Variants in U2AF2 observed in about 807,000 individuals in gnomAD.
The protein encoded by U2AF2 is splicing factor U2AF 65 kDa subunit.
In U2AF2, 6 loss-of-function variants were observed where a neutral mutation model predicts 52.6. The ratio of observed to expected loss-of-function variants is 0.11; its 90% confidence interval spans 0.06 to 0.23. The LOEUF (loss-of-function observed/expected upper bound fraction) is 0.23, where lower values mean the gene tolerates loss of function less well. Ranked by LOEUF, U2AF2 falls within the 10% of genes least tolerant of loss-of-function variation. The pLI is 1.00. For missense variants in U2AF2, 222 were observed against 677.1 expected (o/e 0.33, Z 7.46); for synonymous variants, 284 against 258.2 (o/e 1.10, Z -0.96).
chr19:55,667,472 A>G (rs757806114), intron 7 of U2AF2, among the ~76,000 whole-genome samples: 1 of 152,162 alleles, frequency 6.6e-6, no homozygotes, highest in Non-Finnish European at 1.5e-5. Context: ...GTGGGGTCTC[A>G]GGTTGAATCA....
Position 55,669,699 on chromosome 19 carries a change from A to C in U2AF2, c.1293+7A>C. The C allele has an allele frequency of 6.3e-7, 1 of 1,594,316 alleles. No homozygotes were observed. Among genetic ancestry groups the C allele is most frequent in the Non-Finnish European group, 8.6e-7 (1 of 1,168,830 alleles). ...GGTGCCCGGCTGCGGAAAGGTCAGG[A>C]GGCCTCGGGCTCAGTGCTCTCTCAC... On this transcript the variant is annotated splice_region_variant and intron_variant, in intron 11 of 11. Transcript: ENST00000308924.
chr19:55,659,609 G>C lies in U2AF2; in HGVS notation c.185+264G>C, dbSNP rs138488205. 3.1e-4 allele frequency among the ~76,000 whole-genome samples: 47 copies of C among 152,130 alleles called. No individual in the cohort carries two copies. In the East Asian group the frequency reaches 7.2e-3, roughly 23 times the overall value. On this transcript the variant is annotated intron_variant, in intron 2 of 11. Coordinates refer to ENST00000308924, the MANE Select transcript of U2AF2 (RefSeq NM_007279.3). ...GCAATAGGCTCTTTATCTGGAGCCT[G>C]GGAATTGATTCTGTGTTTTCCTTCA...
chr19:55,663,492 A>G (rs1984350182), intron 6 of U2AF2, 114 bp from the exon 7 acceptor site: 2 of 1,475,198 alleles, frequency 1.4e-6, no homozygotes, highest in Admixed American at 2.1e-5. Flanking sequence ...GGGGCCTGGC[A>G]TGTTGTATTT....
intron 10 of U2AF2, 95 bp from the exon 11 acceptor site, chr19:55,669,349 T>A: frequency 6.5e-7 from 1 of 1,542,762 alleles, no homozygotes; most frequent in Non-Finnish European, 8.7e-7. Flanking sequence ...AGAGATGGCC[T>A]TTCCCCTGGG....
At chr19:55,663,541 G>A (rs927976208) in intron 6 of U2AF2, 65 bp from the exon 7 acceptor site, 1 of 1,553,304 alleles carries the variant, frequency 6.4e-7, no homozygotes, top group African/African-American at 1.4e-5. Context: ...TCCCAATCCT[G>A]GAACACTAGG....
chr19:55,662,992 A>T (rs1169111644), intron 6 of U2AF2, among the ~76,000 whole-genome samples: 2 of 151,836 alleles, frequency 1.3e-5, no homozygotes, highest in Non-Finnish European at 1.5e-5. Context: ...GTCTTCTGTT[A>T]CCCCAGCTAA....
At chr19:55,665,093 A>G (rs1430227270) in intron 7 of U2AF2, among the ~76,000 whole-genome samples, 8 of 152,212 alleles carry the variant, frequency 5.3e-5, no homozygotes, top group African/African-American at 7.2e-5. Context: ...ACATGCTCCC[A>G]ATCGACATGG....
At chr19:55,672,028 C>CT (rs1298712679) in intron 11 of U2AF2, 1 of 151,748 alleles carries the variant, frequency 6.6e-6, no homozygotes, top group African/African-American at 2.4e-5. Flanking sequence ...ACTCAGGAGT[C>CT]TGAGGCAGGA....
intron 7 of U2AF2, among the ~76,000 whole-genome samples, chr19:55,664,750 C>T (rs1053209618): frequency 6.6e-6 from 1 of 152,150 alleles, no homozygotes; most frequent in South Asian, 2.1e-4. Context: ...GACAGTCTCG[C>T]TCTGTCACCC....
intron 7 of U2AF2, among the ~76,000 whole-genome samples, chr19:55,664,658 G>A (rs1186764194): frequency 6.6e-6 from 1 of 152,192 alleles, no homozygotes; most frequent in Admixed American, 6.5e-5. Flanking sequence ...CCAGACGGAG[G>A]CACATCTGTG....
chr19:55,672,188 T>C (rs1022464733), intron 11 of U2AF2: 2 of 152,114 alleles, frequency 1.3e-5, no homozygotes, highest in South Asian at 2.1e-4. Flanking sequence ...TTTTGTTACA[T>C]GTCTTTTCAA....
At chr19:55,659,187 C>A in intron 1 of U2AF2, 23 bp from the exon 2 acceptor site, 2 of 1,528,240 alleles carry the variant, frequency 1.3e-6, no homozygotes, top group Admixed American at 2.0e-5. Context: ...TTATCCCGTG[C>A]CCCTCCTCTC....
chr19:55,673,035 C>T (rs1329021860), intron 11 of U2AF2, among the ~76,000 whole-genome samples: 5 of 152,000 alleles, frequency 3.3e-5, no homozygotes, highest in Non-Finnish European at 5.9e-5. Flanking sequence ...CTTCACCTCC[C>T]GAGTTAAAGA....
At chr19:55,662,805 T>G (rs771349554) in intron 6 of U2AF2, among the ~76,000 whole-genome samples, 187 bp downstream of exon 6, 2 of 152,098 alleles carry the variant, frequency 1.3e-5, no homozygotes, top group Non-Finnish European at 2.9e-5. Context: ...TGCCTTCCAT[T>G]TGCTTTCTGT....
intron 10 of U2AF2, 80 bp from the exon 11 acceptor site, chr19:55,669,364 C>A: frequency 1.9e-6 from 3 of 1,544,002 alleles, no homozygotes; most frequent in South Asian, 1.2e-5. Flanking sequence ...CCTGGGGGGG[C>A]ATGTGAGGGG....
chr19:55,657,560 C>T (rs1486642806), intron 1 of U2AF2, among the ~76,000 whole-genome samples: 1 of 152,196 alleles, frequency 6.6e-6, no homozygotes, highest in Non-Finnish European at 1.5e-5. Context: ...TCTTGGGGCT[C>T]ACAGCCTGTC....
chr19:55,665,891 C>T (rs1984518281), intron 7 of U2AF2, among the ~76,000 whole-genome samples: 1 of 152,194 alleles, frequency 6.6e-6, no homozygotes, highest in Admixed American at 6.5e-5. Flanking sequence ...TTGTGACCTG[C>T]CTTGGCCTCC....
Position 55,668,615 on chromosome 19 carries a change from T to TGCCCCCCCCC in U2AF2, c.822+29_822+30insGCCCCCCCCC. On this transcript the variant is annotated intron_variant, in intron 8 of 11. Transcript: ENST00000308924. The surrounding 1 kb of genome is among the most constrained non-coding windows in gnomAD (Gnocchi z 5.5). ...ACTTCCCTGCCTCCCTCCAGACCCG[T>TGCCCCCCCCC]CCCCCCACCCCGCCCCACCTCATCC... 1.3e-6 allele frequency: 2 copies of TGCCCCCCCCC among 1,514,018 alleles called. No individual in the cohort carries two copies. The highest frequency in any genetic ancestry group is 1.8e-6 in the Non-Finnish European group (2 of 1,097,230). The allele number at this position is 1,514,018 out of a possible 1,614,324, so 93.8% of individuals were successfully genotyped here. A position where few individuals can be genotyped will look rare whatever the true frequency, so the allele number is the denominator to read the frequency against.
rs1313662708 is a variant in U2AF2 at position 55,673,927 on chromosome 19, C to T, written c.1294-7C>T. 3 of 1,608,100 alleles carry T rather than the reference C, an allele frequency of 1.9e-6. No homozygotes were observed. Among genetic ancestry groups the T allele is most frequent in the African/African-American group, 1.3e-5 (1 of 74,884 alleles). ...TGTTCACAAACCTGCCTCTCCTTTC[C>T]CCACAGATCTTTGTGGAGTTCACCT... On this transcript the variant is annotated splice_polypyrimidine_tract_variant and splice_region_variant and intron_variant, in intron 11 of 11. Coordinates refer to ENST00000308924, the MANE Select transcript of U2AF2 (RefSeq NM_007279.3).
Sources: gnomAD v4.1 joint callset for allele counts (sites outside exome capture counted in the v4.1 genomes callset) on GRCh38, gnomAD v4.1.1 for gene constraint, Gnocchi (gnomAD v3.1) non-coding constraint, MANE v1.5 for transcripts, NCBI Gene and HGNC (gene_info 2026-07-23, HGNC 2026-07-21) for gene names.